Variants in UTRN observed in about 807,000 individuals in gnomAD.
The protein encoded by UTRN is utrophin, also known as dystrophin-related protein 1.
A neutral mutation model predicts 463.9 loss-of-function variants in UTRN; 283 were observed. The ratio of observed to expected loss-of-function variants is 0.61; its 90% CI spans 0.55 to 0.67. The LOEUF (loss-of-function observed/expected upper bound fraction) is 0.67. Among genes scored for constraint, UTRN ranks in the 30% least tolerant of loss-of-function variants. The probability of loss-of-function intolerance (pLI) is 0.00; values close to 1 mark genes in which losing one functional copy is unlikely to be tolerated. For missense variants in UTRN, 3,922 were observed against 4,084.3 expected (o/e 0.96, Z 1.08); for synonymous variants, 1,442 against 1,431.5 (o/e 1.01, Z -0.17).
intron 2 of UTRN, among the ~76,000 whole-genome samples, chr6:144,378,706 A>G (rs1584513490): frequency 6.6e-6 from 1 of 152,166 alleles, no homozygotes; most frequent in East Asian, 1.9e-4. Context: ...TGGTCAGATG[A>G]TTCAGGGCCA....
rs551364700 is a variant in UTRN, at chr6:144,330,950, C to T, written c.79+39043C>T. On this transcript the variant is annotated intron_variant, in intron 2 of 74. Coordinates refer to ENST00000367545, the MANE Select transcript of UTRN (RefSeq NM_007124.3). ...GAGTCTTAACTACATTTGGAGGACA[C>T]GCTGAGCCGACGAGAAATGGAAGTG... 9 of 985,324 alleles carry T rather than the reference C, an allele frequency of 9.1e-6. No homozygotes were observed. In the South Asian group the frequency reaches 1.4e-4, roughly 15 times the overall value. 61.0% of individuals were successfully genotyped at this position (985,324 alleles called of 1,614,324 possible). A position where few individuals can be genotyped will look rare whatever the true frequency, so the allele number is the denominator to read the frequency against.
At chr6:144,659,089 AAATT>A (rs1411226799) in intron 51 of UTRN, among the ~76,000 whole-genome samples, 1 of 152,354 alleles carries the variant, frequency 6.6e-6, no homozygotes, top group East Asian at 1.9e-4. Context: ...TTGAAAAATA[AAATT>A]AATCAACGCG....
intron 43 of UTRN, among the ~76,000 whole-genome samples, 173 bp downstream of exon 43, chr6:144,533,433 A>T (rs1206026578): frequency 6.6e-6 from 1 of 152,214 alleles, no homozygotes; most frequent in Admixed American, 6.5e-5. Context: ...GGCTGTCCAT[A>T]AAGTCTCACT....
chr6:144,627,796 GTTTT>G (rs34178832), intron 51 of UTRN, among the ~76,000 whole-genome samples: 3 of 112,112 alleles, frequency 2.7e-5, no homozygotes, highest in African/African-American at 6.9e-5. Flanking sequence ...TTCCTTCTGT[GTTTT>G]TTTTTTTTTT....
In UTRN at chr6:144,440,303, G is replaced by T. The variant is rs764562290; in HGVS notation, c.1393-49G>T. The T allele has an allele frequency of 1.9e-6, 3 of 1,605,400 alleles. No individual in the cohort carries two copies. The African/African-American group carries it at 4.0e-5, about 21-fold the overall frequency. On this transcript the variant is annotated intron_variant, in intron 12 of 74. Transcript: ENST00000367545. ...TTGACAACTGAGTGCGTTTTAAATA[G>T]GTAAATGTGAAAGTAGAAATAATGG...
intron 2 of UTRN, among the ~76,000 whole-genome samples, chr6:144,339,782 C>CT (rs1222636491): frequency 3.3e-5 from 5 of 152,052 alleles, no homozygotes; most frequent in Non-Finnish European, 7.4e-5. Flanking sequence ...CCAATTTTTT[C>CT]TTTTTAAAAA....
chr6:144,303,108 G>A (rs1053376930), intron 2 of UTRN, among the ~76,000 whole-genome samples: 1 of 152,190 alleles, frequency 6.6e-6, no homozygotes, highest in Non-Finnish European at 1.5e-5. Context: ...GCAGAGTTAG[G>A]GGGAGGCAGG....
In UTRN at chr6:144,464,813, G is replaced by T. The variant is rs78124203; in HGVS notation, c.3066+1947G>T. ...CCATGCCTGGCCCATTTTACTTTGC[G>T]ATGGTCCCACTTCTCGTTGTGTATT... On this transcript the variant is annotated intron_variant, in intron 23 of 74. Coordinates refer to ENST00000367545, the MANE Select transcript of UTRN (RefSeq NM_007124.3). Among the ~76,000 whole-genome samples the T allele has an allele frequency of 8.5e-4, 129 of 152,200 alleles. 1 individual carries two copies. Among genetic ancestry groups the T allele is most frequent in the East Asian group, 8.1e-3 (42 of 5,178 alleles).
chr6:144,482,922 C>T (rs999641551), intron 27 of UTRN, among the ~76,000 whole-genome samples: 4 of 151,816 alleles, frequency 2.6e-5, no homozygotes, highest in East Asian at 1.9e-4. Flanking sequence ...GGCCATTACA[C>T]GTAAAATGTA....
In UTRN at chr6:144,711,315, C is replaced by CA. The variant is rs200027523; in HGVS notation, c.7809+11076dup. Among the ~76,000 whole-genome samples, 1,195 of 149,598 alleles carry CA rather than the reference C, an allele frequency of 8.0e-3. 19 individuals are homozygous for CA. The highest frequency in any genetic ancestry group is 0.027 in the African/African-American group (1,121 of 41,298). Reference sequence around the variant, plus strand: ...TGGCAACAGATTGAGACTCCCGTCTCAAAACAAACAAACAAACAAAAAAAA... The same window carrying CA: ...TGGCAACAGATTGAGACTCCCGTCTCAAAAACAAACAAACAAACAAAAAAAA... On this transcript the variant is annotated intron_variant, in intron 53 of 74. Coordinates refer to ENST00000367545, the MANE Select transcript of UTRN (RefSeq NM_007124.3).
At chr6:144,654,681 T>A (rs771614000) in intron 51 of UTRN, among the ~76,000 whole-genome samples, 4 of 152,258 alleles carry the variant, frequency 2.6e-5, no homozygotes, top group Non-Finnish European at 2.9e-5. Context: ...AGTAGACATC[T>A]GGAATTTGAG....
At chr6:144,608,279 T>C (rs1805092699) in intron 51 of UTRN, among the ~76,000 whole-genome samples, 1 of 152,174 alleles carries the variant, frequency 6.6e-6, no homozygotes, top group South Asian at 2.1e-4. Context: ...AGAGCAGCTC[T>C]TCCCTGGGTC....
At chr6:144,724,222 CTTTTTT>C (rs34507977) in intron 53 of UTRN, among the ~76,000 whole-genome samples, 119 of 78,154 alleles carry the variant, frequency 1.5e-3, no homozygotes, top group Non-Finnish European at 2.2e-3. Context: ...AGATTCATAA[CTTTTTT>C]TTTTTTTTTT....
At chr6:144,305,152 A>T (rs954646265) in intron 2 of UTRN, among the ~76,000 whole-genome samples, 4 of 152,076 alleles carry the variant, frequency 2.6e-5, no homozygotes, top group Non-Finnish European at 5.9e-5. Flanking sequence ...CCAGGCTGGT[A>T]ATGTTTTGAC....
chr6:144,705,998 T>C (rs1055170688), intron 53 of UTRN, among the ~76,000 whole-genome samples: 6 of 151,968 alleles, frequency 3.9e-5, no homozygotes, highest in African/African-American at 1.4e-4. Flanking sequence ...GTGTGGTACC[T>C]ACCCGTAATT....
chr6:144,395,129 C>T (rs1782282111), intron 2 of UTRN, among the ~76,000 whole-genome samples: 1 of 152,028 alleles, frequency 6.6e-6, no homozygotes, highest in Non-Finnish European at 1.5e-5. Context: ...AATTTTCTTT[C>T]ATAAGTTTAG....
At chr6:144,632,014 G>A (rs534345376) in intron 51 of UTRN, among the ~76,000 whole-genome samples, 9 of 152,250 alleles carry the variant, frequency 5.9e-5, no homozygotes, top group Non-Finnish European at 8.8e-5. Context: ...CCTGGGAAGC[G>A]CCAGGGTCCA....
intron 2 of UTRN, among the ~76,000 whole-genome samples, chr6:144,343,844 TTATC>T: frequency 6.6e-6 from 1 of 152,218 alleles, no homozygotes; most frequent in East Asian, 1.9e-4. Flanking sequence ...ACATCTTTAT[TTATC>T]TACGCAGTGG....
chr6:144,635,794 C>T (rs939742564), intron 51 of UTRN, among the ~76,000 whole-genome samples: 1 of 151,956 alleles, frequency 6.6e-6, no homozygotes, highest in African/African-American at 2.4e-5. Context: ...CTGCCTTGGC[C>T]TCCCAAAGTT....
Sources: gnomAD v4.1 joint callset for allele counts (sites outside exome capture counted in the v4.1 genomes callset) on GRCh38, gnomAD v4.1.1 for gene constraint, MANE v1.5 for transcripts, NCBI Gene and HGNC (gene_info 2026-07-23, HGNC 2026-07-21) for gene names.